XYLT1: variants seen among roughly 807,000 people sequenced by gnomAD.
XYLT1 encodes the protein xylosyltransferase 1, also known as beta-D-xylosyltransferase 1.
Under a neutral mutation model 91.3 loss-of-function variants are expected in XYLT1, and 36 were observed. That is an observed-to-expected ratio of 0.39 (90% confidence interval 0.30 to 0.52). The LOEUF (loss-of-function observed/expected upper bound fraction) is 0.52. Among genes scored for constraint, XYLT1 ranks in the 20% least tolerant of loss-of-function variants. The pLI, the probability that XYLT1 is intolerant of heterozygous loss-of-function variation, is 0.68. For missense variants in XYLT1, 1,242 were observed against 1,284.5 expected (o/e 0.97, Z 0.51); for synonymous variants, 588 against 532.0 (o/e 1.11, Z -1.45).
At chr16:17,154,115 G>A (rs770708895) in intron 6 of XYLT1, among the ~76,000 whole-genome samples, 1 of 152,194 alleles carries the variant, frequency 6.6e-6, no homozygotes, top group African/African-American at 2.4e-5. Context: ...TGCGCCCAGC[G>A]TGGGGCCTTC....
chr16:17,448,021 CAATTGTAA>C (rs1369644551), intron 1 of XYLT1, among the ~76,000 whole-genome samples: 1 of 152,142 alleles, frequency 6.6e-6, no homozygotes, highest in Non-Finnish European at 1.5e-5. Context: ...ACATACACAT[CAATTGTAA>C]AATTCATCCC....
intron 1 of XYLT1, among the ~76,000 whole-genome samples, chr16:17,426,391 C>G (rs1046945845): frequency 3.3e-5 from 5 of 152,072 alleles, no homozygotes; most frequent in African/African-American, 1.2e-4. Context: ...GACACCCTGA[C>G]TCTACTAAAA....
At chr16:17,144,820 C>G (rs557794596) in intron 6 of XYLT1, among the ~76,000 whole-genome samples, 1 of 152,284 alleles carries the variant, frequency 6.6e-6, no homozygotes, top group South Asian at 2.1e-4. Context: ...CAGGCAGCAC[C>G]GAGTGCCTAC....
At chr16:17,456,606 G>A (rs891144909) in intron 1 of XYLT1, among the ~76,000 whole-genome samples, 2 of 152,168 alleles carry the variant, frequency 1.3e-5, no homozygotes, top group Non-Finnish European at 2.9e-5. Flanking sequence ...CTCCCAAAGC[G>A]CTGGGATTAC....
chr16:17,292,015 C>T (rs1336528457), intron 2 of XYLT1, among the ~76,000 whole-genome samples: 3 of 151,630 alleles, frequency 2.0e-5, no homozygotes, highest in East Asian at 1.9e-4. Context: ...GGCAAAACAT[C>T]GTCTCTACAA....
chr16:17,278,574 A>G (rs1210489210), intron 2 of XYLT1, among the ~76,000 whole-genome samples: 1 of 152,170 alleles, frequency 6.6e-6, no homozygotes, highest in Non-Finnish European at 1.5e-5. Flanking sequence ...GCTTCAAGGG[A>G]AAAGTGGAGC....
intron 2 of XYLT1, among the ~76,000 whole-genome samples, chr16:17,337,523 C>T (rs2141843787): frequency 6.6e-6 from 1 of 152,190 alleles, no homozygotes; most frequent in East Asian, 1.9e-4. Flanking sequence ...CATTGCAATT[C>T]AGCCCAAGCT....
chr16:17,211,948 A>G (rs180896896), intron 3 of XYLT1, among the ~76,000 whole-genome samples: 15 of 152,366 alleles, frequency 9.8e-5, no homozygotes, highest in African/African-American at 2.9e-4. Flanking sequence ...ACTAGGTGCC[A>G]GTAGCACTCA....
chr16:17,136,413 T>C (rs77929122), intron 8 of XYLT1, among the ~76,000 whole-genome samples: 1 of 152,252 alleles, frequency 6.6e-6, no homozygotes, highest in South Asian at 2.1e-4. Flanking sequence ...AACCTCTCTG[T>C]GGTGGGGAGC....
intron 9 of XYLT1, among the ~76,000 whole-genome samples, chr16:17,130,252 C>T (rs932091214): frequency 2.6e-5 from 4 of 152,200 alleles, no homozygotes; most frequent in African/African-American, 7.2e-5. Flanking sequence ...AGCTGATCTG[C>T]GAACTTGAGC....
intron 1 of XYLT1, among the ~76,000 whole-genome samples, chr16:17,454,157 C>T (rs145365705): frequency 0.014 from 2,087 of 152,090 alleles, 29 homozygotes; most frequent in Non-Finnish European, 0.023. Context: ...AAATTAATTC[C>T]GCTCCTAGGT....
At chr16:17,265,085 G>T (rs899362243) in intron 2 of XYLT1, among the ~76,000 whole-genome samples, 5 of 152,210 alleles carry the variant, frequency 3.3e-5, no homozygotes, top group Non-Finnish European at 5.9e-5. Context: ...CTACTCAGGA[G>T]GCTGAGGCAG....
At chr16:17,169,164 T>C (rs193065601) in intron 5 of XYLT1, among the ~76,000 whole-genome samples, 2 of 152,232 alleles carry the variant, frequency 1.3e-5, no homozygotes, top group African/African-American at 4.8e-5. Context: ...TGCAGACATA[T>C]AGGTAGGTCC....
intron 9 of XYLT1, among the ~76,000 whole-genome samples, chr16:17,133,269 T>C (rs1005452488): frequency 4.6e-5 from 7 of 151,986 alleles, no homozygotes; most frequent in Non-Finnish European, 7.3e-5. Context: ...AACAATCTTC[T>C]TCCCCCCAGC....
At chr16:17,361,763 C>A (rs1274028199) in intron 1 of XYLT1, among the ~76,000 whole-genome samples, 1 of 152,154 alleles carries the variant, frequency 6.6e-6, no homozygotes, top group African/African-American at 2.4e-5. Context: ...ACTCAGAATC[C>A]TTTTGCCTGA....
chr16:17,285,454 G>A (rs1360251752), intron 2 of XYLT1, among the ~76,000 whole-genome samples: 1 of 152,162 alleles, frequency 6.6e-6, no homozygotes, highest in Non-Finnish European at 1.5e-5. Flanking sequence ...AATGACTCTG[G>A]CATTTCCCAC....
At chr16:17,228,687 C>T (rs2033110561) in intron 3 of XYLT1, among the ~76,000 whole-genome samples, 1 of 152,108 alleles carries the variant, frequency 6.6e-6, no homozygotes, top group South Asian at 2.1e-4. Flanking sequence ...CCCTTCTCTC[C>T]ATCCATTTTG....
At chr16:17,451,752 C>T (rs1401284456) in intron 1 of XYLT1, among the ~76,000 whole-genome samples, 1 of 152,092 alleles carries the variant, frequency 6.6e-6, no homozygotes, top group Non-Finnish European at 1.5e-5. Context: ...AAGACTCTTG[C>T]CCATCACCCC....
intron 2 of XYLT1, among the ~76,000 whole-genome samples, chr16:17,298,490 G>A (rs1261472197): frequency 6.6e-6 from 1 of 152,180 alleles, no homozygotes; most frequent in Non-Finnish European, 1.5e-5. Context: ...GGACTGCAGA[G>A]TTGAACCGGG....
Sources: allele counts gnomAD v4.1 joint callset (sites outside exome capture counted in the v4.1 genomes callset), GRCh38; gene constraint gnomAD v4.1.1; transcripts MANE v1.5; gene names NCBI Gene and HGNC (gene_info 2026-07-23, HGNC 2026-07-21).